The following SPAG4 variants were observed in gnomAD, a reference collection of about 807,000 sequenced individuals.
SPAG4 encodes the protein sperm-associated antigen 4 protein.
A neutral mutation model predicts 53.9 loss-of-function variants in SPAG4; 54 were observed. The ratio of observed to expected loss-of-function variants is 1.00; its 90% CI spans 0.80 to 1.26. SPAG4 has a LOEUF of 1.26. Among genes scored for constraint, SPAG4 ranks in the 50% most tolerant of loss-of-function variants. SPAG4 has a pLI of 0.00. For missense variants in SPAG4, 548 were observed against 568.6 expected (o/e 0.96, Z 0.37); for synonymous variants, 246 against 237.4 (o/e 1.04, Z -0.33).
chr20:35,617,778 G>A lies in SPAG4; in HGVS notation c.477-1G>A. 4 of 1,614,000 alleles carry A rather than the reference G, an allele frequency of 2.5e-6. No homozygotes were observed. The highest frequency in any genetic ancestry group is 1.1e-5 in the South Asian group (1 of 91,088). Reference sequence around the variant, plus strand: ...GCCTCAGCCTCCCTCCGGTTCCCCAGGGAGGTCTGTTCCATCCGCTTCCTG... The same window carrying A: ...GCCTCAGCCTCCCTCCGGTTCCCCAAGGAGGTCTGTTCCATCCGCTTCCTG... On this transcript the variant is annotated splice_acceptor_variant, in intron 3 of 11. Transcript: ENST00000374273. LOFTEE classifies it high-confidence loss of function.
chr20:35,616,110 G>T lies in SPAG4; in HGVS notation c.107G>T (p.Gly36Val). 1.2e-6 allele frequency: 2 copies of T among 1,607,338 alleles called. No individual in the cohort carries two copies. The highest frequency in any genetic ancestry group is 8.5e-7 in the Non-Finnish European group (1 of 1,177,530). The stretch of plus-strand genomic sequence containing the variant: ...AGCATCACCTCGGAGGACAGCAAAG[G>T]GCTCCGGTCAGCGGAGCCCGGGCCT... The part of the protein sequence containing the change: ...SMSITSEDSK[G>V]LRSAEPGPGE... Residue 36 changes from glycine (G) to valine (V), a missense_variant, in exon 1 of 12, where the codon GGG becomes GTG. Coordinates refer to ENST00000374273, the MANE Select transcript of SPAG4 (RefSeq NM_003116.3).
In SPAG4 at chr20:35,619,210, T is replaced by A. The variant is rs1353399329; in HGVS notation, c.809T>A (p.Leu270Gln). The A allele has an allele frequency of 1.2e-6, 2 of 1,607,018 alleles. No individual in the cohort carries two copies. The highest frequency in any genetic ancestry group is 1.7e-5 in the Admixed American group (1 of 59,212). ...ACTGTTCCAGGAGCCTCCATCGACC[T>A]GCAGAAGACATCCCACGATTACGCA... is the stretch of plus-strand genomic sequence containing the variant. The part of the protein sequence containing the change: ...ALSSVGASID[L>Q]QKTSHDYADR... Residue 270 changes from leucine to glutamine, a missense_variant, in exon 9 of 12, where the codon CTG becomes CAG. Transcript: ENST00000374273.
At chr20:35,620,826 A>AATGATCCAGGAGGAGGGCAGCCCTTGGC (rs2031556295) in intron 11 of SPAG4, 50 bp from the exon 12 acceptor site, 7 of 1,612,842 alleles carry the variant, frequency 4.3e-6, no homozygotes, top group Non-Finnish European at 5.9e-6. Flanking sequence ...GTGAGGGATG[A>AATGATCCAGGAGGAGGGCAGCCCTTGGC]ATGATCCAGG....
rs761640103 is a variant in SPAG4 at position 35,616,810 on chromosome 20, AG to A, written c.305-325del. The A allele has an allele frequency of 6.6e-4, 199 of 302,482 alleles. 3 individuals carry two copies. The highest frequency in any genetic ancestry group is 1.8e-4 in the Non-Finnish European group (29 of 160,890). 18.7% of individuals were successfully genotyped at this position (302,482 alleles called of 1,614,324 possible). On this transcript the variant is annotated intron_variant, in intron 1 of 11. Coordinates refer to ENST00000374273, the MANE Select transcript of SPAG4 (RefSeq NM_003116.3). Reference sequence around the variant, plus strand: ...ATGCCCGGCCAATTTTTGTGTTTTTAGTAGAGACGGGGTTTCTCCGTGTTAA... The same window carrying A: ...ATGCCCGGCCAATTTTTGTGTTTTTATAGAGACGGGGTTTCTCCGTGTTAA...
At chr20:35,620,622 C>CT in intron 10 of SPAG4, 62 bp from the exon 11 acceptor site, 17 of 371,268 alleles carry the variant, frequency 4.6e-5, no homozygotes, top group East Asian at 1.3e-4. Context: ...GTTTTCTTCT[C>CT]CCCGCCCCCC....
In SPAG4 at chr20:35,618,627, C is replaced by T; in HGVS notation, c.624C>T (p.Arg208=). 6.3e-7 allele frequency: 1 copy of T among 1,599,518 alleles called. No individual in the cohort carries two copies. The highest frequency in any genetic ancestry group is 8.5e-7 in the Non-Finnish European group (1 of 1,173,058). The stretch of plus-strand genomic sequence containing the variant: ...CCACCTCCAGTGAGTACCACGAGCG[C>T]GTGCGCTCCCAGGGGCAGCAGCTGC... ...EMLTLSEYHE[R]VRSQGQQLQQ... The change falls in exon 7 of 12, where the codon CGC becomes CGT. Residue 208 remains arginine (R), a synonymous_variant. Coordinates refer to ENST00000374273, the MANE Select transcript of SPAG4 (RefSeq NM_003116.3).
Position 35,617,798 on chromosome 20 carries a change from T to C in SPAG4, c.496T>C (p.Phe166Leu), listed in dbSNP as rs1274448344. ...CCCCAGGGAGGTCTGTTCCATCCGC[T>C]TCCTGTTCACGGCTGTGTCGCTGCT... The part of the protein sequence containing the change: ...SMYREVCSIR[F>L]LFTAVSLLSL... Residue 166 changes from phenylalanine to leucine, a missense_variant, in exon 4 of 12, where the codon TTC (phenylalanine) becomes CTC (leucine). By Grantham distance (22) the Phe-to-Leu change is conservative. Transcript: ENST00000374273. The C allele has an allele frequency of 2.5e-6, 4 of 1,614,040 alleles. No homozygotes were observed. The highest frequency in any genetic ancestry group is 3.4e-6 in the Non-Finnish European group (4 of 1,179,960).
At position 35,615,955 on chromosome 20, in the gene SPAG4, G is replaced by C; in HGVS notation, c.-49G>C. On this transcript the variant is annotated 5_prime_UTR_variant, in exon 1 of 12. Coordinates refer to ENST00000374273, the MANE Select transcript of SPAG4 (RefSeq NM_003116.3). The stretch of plus-strand genomic sequence containing the variant: ...CTGAAGGAGGCCCCAGGGCCTTGGC[G>C]ACCGCAGCGGCGGCTTTAGCGTCAG... 1 of 1,590,030 alleles carries C rather than the reference G, an allele frequency of 6.3e-7. No homozygotes were observed. Among genetic ancestry groups the C allele is most frequent in the Non-Finnish European group, 8.6e-7 (1 of 1,168,908 alleles).
At chr20:35,618,354 GT>G in intron 5 of SPAG4, 95 bp from the exon 6 acceptor site, 1 of 1,498,464 alleles carries the variant, frequency 6.7e-7, no homozygotes. Flanking sequence ...AGGGGACACA[GT>G]CTTCAAAAAG....
At position 35,617,237 on chromosome 20, in the gene SPAG4, C is replaced by A; in HGVS notation, c.406C>A (p.Leu136Met). Reference sequence around the variant, plus strand: ...TCCCCCGCGGGTGTTCAAGAGCTTTCTGAGTACGGGCCAGGCCAGCTGCGA... The same window carrying A: ...TCCCCCGCGGGTGTTCAAGAGCTTTATGAGTACGGGCCAGGCCAGCTGCGA... Reference protein sequence around the residue: ...MPPPRVFKSFLSLLFQGLSVL... With the variant: ...MPPPRVFKSFMSLLFQGLSVL... The change falls in exon 2 of 12, where the codon CTG becomes ATG. Residue 136 changes from leucine to methionine, a missense_variant. By Grantham distance (15) the Leu-to-Met change is conservative. Transcript: ENST00000374273. 6.3e-7 allele frequency: 1 copy of A among 1,592,748 alleles called. No individual in the cohort carries two copies. Among genetic ancestry groups the A allele is most frequent in the South Asian group, 1.1e-5 (1 of 88,062 alleles).
At chr20:35,619,406 G>T (rs1001009870) in intron 9 of SPAG4, 96 bp downstream of exon 9, 56 of 1,415,282 alleles carry the variant, frequency 4.0e-5, no homozygotes, top group Non-Finnish European at 5.2e-5. Context: ...TGAGCCGAGG[G>T]CGTGGAGGAT....
rs1201196904 is a variant in SPAG4 at position 35,621,054 on chromosome 20, T to C, written c.*32T>C. The C allele has an allele frequency of 1.2e-6, 2 of 1,607,668 alleles. No individual in the cohort carries two copies. The highest frequency in any genetic ancestry group is 1.7e-6 in the Non-Finnish European group (2 of 1,174,694). The stretch of plus-strand genomic sequence containing the variant: ...TGATTTTTGGAGTAGAATTGAGTTC[T>C]GCTGAAGGATACTGGATCAGTGCTT... On this transcript the variant is annotated 3_prime_UTR_variant, in exon 12 of 12. Coordinates refer to ENST00000374273, the MANE Select transcript of SPAG4 (RefSeq NM_003116.3).
rs755553217 is a variant in SPAG4 at position 35,619,700 on chromosome 20, A to G, written c.1031A>G (p.Glu344Gly). ...CTGCAGCATCCACCGCCCAGCGTGGAGCACACCGGAGGAGCCAACAGCGCC... is the reference window on the plus strand; with the variant it reads ...CTGCAGCATCCACCGCCCAGCGTGGGGCACACCGGAGGAGCCAACAGCGCC... ...ITLQHPPPSV[E>G]HTGGANSAPR... is the part of the protein sequence containing the mutation. The change falls in exon 10 of 12, where the codon GAG (glutamate) becomes GGG (glycine). Residue 344 changes from glutamate to glycine, a missense_variant. By Grantham distance (98) the Glu-to-Gly change is moderately conservative. Coordinates refer to ENST00000374273, the MANE Select transcript of SPAG4 (RefSeq NM_003116.3). The G allele has an allele frequency of 2.5e-6, 4 of 1,613,272 alleles. No individual in the cohort carries two copies. The highest frequency in any genetic ancestry group is 2.2e-5 in the South Asian group (2 of 91,070).
Position 35,619,723 on chromosome 20 carries a change from G to GC in SPAG4, c.1060dup (p.Arg354ProfsTer12), listed in dbSNP as rs532323841. On this transcript the variant is annotated frameshift_variant, in exon 10 of 12. Coordinates refer to ENST00000374273, the MANE Select transcript of SPAG4 (RefSeq NM_003116.3). LOFTEE classifies it high-confidence loss of function. The stretch of plus-strand genomic sequence containing the variant: ...GGAGCACACCGGAGGAGCCAACAGC[G>GC]CCCCCCGCGATTTCGCGGTCTTTGT... 469 of 1,610,548 alleles carry GC rather than the reference G, an allele frequency of 2.9e-4. 3 individuals are homozygous for GC. The East Asian group carries it at 9.5e-3, about 33-fold the overall frequency.
intron 1 of SPAG4, 160 bp downstream of exon 1, chr20:35,616,467 G>A: frequency 1.2e-6 from 1 of 818,324 alleles, no homozygotes; most frequent in African/African-American, 1.8e-5. Context: ...AAGGGGCGGA[G>A]CCTCGGTGTC....
intron 4 of SPAG4, 50 bp downstream of exon 4, chr20:35,617,890 C>A: frequency 6.4e-7 from 1 of 1,567,424 alleles, no homozygotes; most frequent in Non-Finnish European, 8.8e-7. Flanking sequence ...GCTTTGGAGG[C>A]AAACCCAGCA....
rs757454221 is a variant in SPAG4 at position 35,617,575 on chromosome 20, C to T, written c.465C>T (p.Val155=). The T allele has an allele frequency of 6.2e-7, 1 of 1,607,124 alleles. No individual in the cohort carries two copies. The highest frequency in any genetic ancestry group is 1.1e-5 in the South Asian group (1 of 89,938). ...TATCCCTGGCAGGAGACGTGCTGGT[C>T]AGCATGTACAGGTCAGAGGAAGGGA... ...VLLSLAGDVL[V]SMYREVCSIR... Residue 155 remains valine (V), a synonymous_variant, in exon 3 of 12, where the codon GTC becomes GTT. Coordinates refer to ENST00000374273, the MANE Select transcript of SPAG4 (RefSeq NM_003116.3).
intron 7 of SPAG4, 32 bp downstream of exon 7, chr20:35,618,752 T>C: frequency 1.3e-6 from 2 of 1,503,050 alleles, no homozygotes; most frequent in East Asian, 2.4e-5. Context: ...AAACCCCTGA[T>C]GGATCCCTGC....
At chr20:35,618,823 C>T in intron 7 of SPAG4, 100 bp from the exon 8 acceptor site, 18 of 1,435,882 alleles carry the variant, frequency 1.3e-5, no homozygotes, top group Admixed American at 1.8e-5. Context: ...CCGGTGCCCA[C>T]GAAGTCCATC....
Sources: allele counts gnomAD v4.1 joint callset, GRCh38; gene constraint gnomAD v4.1.1; transcripts MANE v1.5; gene names NCBI Gene and HGNC (gene_info 2026-07-23, HGNC 2026-07-21).